The following THSD7B variants were observed in gnomAD, a reference collection of about 807,000 sequenced individuals.
THSD7B encodes the protein thrombospondin type 1 domain containing 7B, also known as thrombospondin type-1 domain-containing protein 7B.
THSD7B carries 138 observed loss-of-function variants against 213.6 expected under a neutral mutation model. That is an observed-to-expected ratio of 0.65 (90% CI 0.56 to 0.74). The LOEUF (loss-of-function observed/expected upper bound fraction) is 0.74, where lower values mean the gene tolerates loss of function less well. Among genes scored for constraint, THSD7B ranks in the 30% least tolerant of loss-of-function variants. The pLI, the probability that THSD7B is intolerant of heterozygous loss-of-function variation, is 0.00. For synonymous variants in THSD7B, 742 were observed against 687.0 expected (o/e 1.08, Z -1.25); for missense variants, 1,931 against 1,991.5 (o/e 0.97, Z 0.58).
chr2:137,036,886 C>A (rs1008383639), intron 2 of THSD7B, among the ~76,000 whole-genome samples: 5 of 152,264 alleles, frequency 3.3e-5, no homozygotes, highest in East Asian at 1.9e-4. Context: ...ACATCAAGAC[C>A]ATTTGGTATA....
At position 137,202,758 on chromosome 2, in the gene THSD7B, G is replaced by A. The variant is rs964348574; in HGVS notation, c.1724-28286G>A. ...TCAGCAAATGCTTTGAGAAAAGAGA[G>A]GCTGTGGTGGTAAGTCAAGTCTCTC... is the stretch of plus-strand genomic sequence containing the variant. On this transcript the variant is annotated intron_variant, in intron 7 of 27. Transcript: ENST00000409968. Among the ~76,000 whole-genome samples, 4 of 152,280 alleles carry A rather than the reference G, an allele frequency of 2.6e-5. No homozygotes were observed. In the East Asian group the frequency reaches 7.7e-4, roughly 30 times the overall value.
chr2:137,506,215 A>G (rs897612706), intron 15 of THSD7B, among the ~76,000 whole-genome samples: 1 of 152,158 alleles, frequency 6.6e-6, no homozygotes, highest in Non-Finnish European at 1.5e-5. Flanking sequence ...CACATTACAG[A>G]AGCTAGAATG....
intron 2 of THSD7B, among the ~76,000 whole-genome samples, chr2:136,913,536 C>T (rs1236533197): frequency 6.6e-6 from 1 of 152,172 alleles, no homozygotes; most frequent in African/African-American, 2.4e-5. Context: ...GCCTGGAGGC[C>T]CAGGAGGAAA....
intron 1 of THSD7B, among the ~76,000 whole-genome samples, chr2:136,816,620 G>C (rs1242341464): frequency 1.3e-5 from 2 of 152,060 alleles, no homozygotes; most frequent in East Asian, 1.9e-4. Flanking sequence ...ATTTCTTTAG[G>C]ATAGATTTTT....
At chr2:137,197,530 G>A (rs1241242062) in intron 7 of THSD7B, among the ~76,000 whole-genome samples, 1 of 151,970 alleles carries the variant, frequency 6.6e-6, no homozygotes, top group Admixed American at 6.5e-5. Flanking sequence ...AAGAAATAAA[G>A]ATACCATACT....
chr2:137,392,497 T>C (rs374689619), intron 12 of THSD7B, among the ~76,000 whole-genome samples: 21 of 152,326 alleles, frequency 1.4e-4, no homozygotes, highest in African/African-American at 5.1e-4. Context: ...TATCATTGTA[T>C]AGTGATCATT....
Position 137,233,110 on chromosome 2 carries a change from CG to C in THSD7B, c.2128del (p.Val710TrpfsTer4). 2 of 1,613,638 alleles carry C rather than the reference CG, an allele frequency of 1.2e-6. No homozygotes were observed. The highest frequency in any genetic ancestry group is 1.7e-6 in the Non-Finnish European group (2 of 1,179,714). ...TRRVFCVKSH[V>X]GQVMTKRCPD... The stretch of plus-strand genomic sequence containing the variant: ...GGAGAGTCTTCTGTGTCAAGAGTCA[CG>C]TGGGACAAGTAATGACCAAAAGGTA... On this transcript the variant is annotated frameshift_variant, in exon 9 of 28. Transcript: ENST00000409968. LOFTEE classifies it high-confidence loss of function.
chr2:137,399,307 C>T (rs1371002809), intron 12 of THSD7B, among the ~76,000 whole-genome samples: 2 of 152,110 alleles, frequency 1.3e-5, no homozygotes, highest in Middle Eastern at 3.4e-3. Flanking sequence ...ATTTTCCTCC[C>T]TCAGCCCCTT....
Position 137,411,841 on chromosome 2 carries a change from A to G in THSD7B, c.2928A>G (p.Arg976=). ...TAGCCTGTTCTGATAAAAATGGAAG[A>G]CCTGTTGACCCCTCCTTCTGCAGCA... is the stretch of plus-strand genomic sequence containing the variant. ...RAVACSDKNG[R]PVDPSFCSSS... The change falls in exon 14 of 28, where the codon AGA becomes AGG. Residue 976 remains arginine, a synonymous_variant. Transcript: ENST00000409968. The G allele has an allele frequency of 6.2e-7, 1 of 1,613,936 alleles. No homozygotes were observed.
At chr2:136,861,759 G>T (rs1683262718) in intron 1 of THSD7B, among the ~76,000 whole-genome samples, 2 of 152,200 alleles carry the variant, frequency 1.3e-5, no homozygotes, top group Non-Finnish European at 2.9e-5. Context: ...TAAAAATGTA[G>T]TAGCTTAAAA....
chr2:136,928,929 A>G (rs1175086083), intron 2 of THSD7B, among the ~76,000 whole-genome samples: 4 of 152,262 alleles, frequency 2.6e-5, no homozygotes, highest in Admixed American at 1.3e-4. Context: ...TTCTATAAAC[A>G]TGAGTGAGCT....
intron 9 of THSD7B, among the ~76,000 whole-genome samples, chr2:137,238,534 CTTTTTTTTT>C (rs869146863): frequency 4.4e-4 from 23 of 51,870 alleles, no homozygotes; most frequent in African/African-American, 1.1e-3. Context: ...ACTCATCTTT[CTTTTTTTTT>C]TTTTTTTTTT....
At chr2:137,562,269 T>C (rs929723286) in intron 15 of THSD7B, among the ~76,000 whole-genome samples, 3 of 152,170 alleles carry the variant, frequency 2.0e-5, no homozygotes, top group Non-Finnish European at 4.4e-5. Context: ...ACATTGGTGA[T>C]AGGTGGAACC....
intron 12 of THSD7B, among the ~76,000 whole-genome samples, chr2:137,352,150 G>A (rs1558766933): frequency 6.6e-6 from 1 of 151,820 alleles, no homozygotes; most frequent in African/African-American, 2.4e-5. Context: ...GGGGGCAGGG[G>A]TGAGGGGAGA....
At chr2:137,287,313 A>T (rs1683203957) in intron 12 of THSD7B, among the ~76,000 whole-genome samples, 1 of 152,170 alleles carries the variant, frequency 6.6e-6, no homozygotes, top group South Asian at 2.1e-4. Context: ...CATGTAGGGC[A>T]ACTTTCTAAA....
intron 1 of THSD7B, among the ~76,000 whole-genome samples, chr2:136,845,875 C>T (rs1475366937): frequency 1.3e-5 from 2 of 152,190 alleles, no homozygotes; most frequent in Non-Finnish European, 2.9e-5. Flanking sequence ...GAAGTTTCCA[C>T]TGATTTCTTG....
intron 12 of THSD7B, among the ~76,000 whole-genome samples, chr2:137,304,238 A>G (rs1683685825): frequency 6.6e-6 from 1 of 152,120 alleles, no homozygotes; most frequent in South Asian, 2.1e-4. Flanking sequence ...TCCCCTAAAA[A>G]TCAGATTGCA....
chr2:137,300,491 A>G (rs1683573043), intron 12 of THSD7B, among the ~76,000 whole-genome samples: 1 of 152,098 alleles, frequency 6.6e-6, no homozygotes, highest in African/African-American at 2.4e-5. Flanking sequence ...GTGCATGTGT[A>G]TATGTGTGTG....
chr2:136,925,622 T>C (rs572077926), intron 2 of THSD7B, among the ~76,000 whole-genome samples: 5 of 152,324 alleles, frequency 3.3e-5, no homozygotes, highest in Admixed American at 2.0e-4. Flanking sequence ...AGGATATTGG[T>C]CTATAGTTTT....
Sources: allele counts gnomAD v4.1 joint callset (sites outside exome capture counted in the v4.1 genomes callset), GRCh38; gene constraint gnomAD v4.1.1; transcripts MANE v1.5; gene names NCBI Gene and HGNC (gene_info 2026-07-23, HGNC 2026-07-21).